TAX1BP1: variants seen among roughly 807,000 people sequenced by gnomAD.
TAX1BP1 encodes the protein Tax1 binding protein 1, also known as tax1-binding protein 1.
TAX1BP1 carries 62 observed loss-of-function variants against 97.7 expected under a neutral mutation model. The ratio of observed to expected loss-of-function variants is 0.63; its 90% confidence interval spans 0.52 to 0.78. The LOEUF (loss-of-function observed/expected upper bound fraction) is 0.78. Among genes scored for constraint, TAX1BP1 ranks in the 30% least tolerant of loss-of-function variants. The probability of loss-of-function intolerance (pLI) is 0.00; values close to 1 mark genes in which losing one functional copy is unlikely to be tolerated. For synonymous variants in TAX1BP1, 340 were observed against 304.2 expected (o/e 1.12, Z -1.23); for missense variants, 867 against 916.1 (o/e 0.95, Z 0.69).
At chr7:27,796,630 C>T (rs1276550248) in intron 12 of TAX1BP1, among the ~76,000 whole-genome samples, 2 of 152,056 alleles carry the variant, frequency 1.3e-5, no homozygotes, top group African/African-American at 4.8e-5. Context: ...GGGAGGTCGA[C>T]GTGGGTGGAT....
chr7:27,794,151 A>C (rs1171981336), intron 10 of TAX1BP1, among the ~76,000 whole-genome samples, 172 bp from the exon 11 acceptor site: 1 of 152,226 alleles, frequency 6.6e-6, no homozygotes, highest in Non-Finnish European at 1.5e-5. Flanking sequence ...GTCAGTTAGC[A>C]AAATGATGTG....
intron 4 of TAX1BP1, among the ~76,000 whole-genome samples, chr7:27,767,792 C>T (rs1365890820): frequency 1.3e-5 from 2 of 152,030 alleles, no homozygotes; most frequent in Non-Finnish European, 2.9e-5. Context: ...TCACTCCTTC[C>T]TACTCCACAA....
In TAX1BP1 at chr7:27,796,116, C is replaced by G. The variant is rs545390820; in HGVS notation, c.1535C>G (p.Ala512Gly). The G allele has an allele frequency of 1.0e-5, 16 of 1,604,304 alleles. No homozygotes were observed. Among genetic ancestry groups the G allele is most frequent in the Non-Finnish European group, 1.3e-5 (15 of 1,176,522 alleles). Reference sequence around the variant, plus strand: ...AGTCTTATATTCTGCCTTTCTACAGCAGAGGCAGATTTTGACATAGTAACA... The same window carrying G: ...AGTCTTATATTCTGCCTTTCTACAGGAGAGGCAGATTTTGACATAGTAACA... ...TVDVKPSPSA[A>G]EADFDIVTKG... The change falls in exon 12 of 17, where the codon GCA (alanine) becomes GGA (glycine). Residue 512 changes from alanine to glycine, a missense_variant and splice_region_variant. This residue lies in a region of TAX1BP1 where 822 missense variants were observed against 851.4 expected (regional missense o/e 0.97). Coordinates refer to ENST00000396319, the MANE Select transcript of TAX1BP1 (RefSeq NM_006024.7).
At chr7:27,818,399 C>G (rs1790858707) in intron 15 of TAX1BP1, among the ~76,000 whole-genome samples, 1 of 152,126 alleles carries the variant, frequency 6.6e-6, no homozygotes, top group Admixed American at 6.6e-5. Context: ...CTTGTTGTTA[C>G]AACAACAAAA....
chr7:27,761,134 G>A (rs751761830), intron 3 of TAX1BP1, among the ~76,000 whole-genome samples: 16 of 152,074 alleles, frequency 1.1e-4, no homozygotes, highest in Non-Finnish European at 1.9e-4. Flanking sequence ...AAAATAACTA[G>A]GCTCAGATTA....
At chr7:27,808,081 T>C (rs145101353) in intron 13 of TAX1BP1, among the ~76,000 whole-genome samples, 159 of 152,282 alleles carry the variant, frequency 1.0e-3, no homozygotes, top group African/African-American at 3.7e-3. Flanking sequence ...GAATCAGTCT[T>C]TTCTCCAAGG....
In TAX1BP1 at chr7:27,773,365, A is replaced by G. The variant is rs182419221; in HGVS notation, c.612+3531A>G. On this transcript the variant is annotated intron_variant, in intron 5 of 16. Coordinates refer to ENST00000396319, the MANE Select transcript of TAX1BP1 (RefSeq NM_006024.7). ...TGGATTTTAATGTATTTACAAAATC[A>G]TGCAACCATTACCATAGTCTAATTT... Among the ~76,000 whole-genome samples the G allele has an allele frequency of 5.3e-5, 8 of 152,236 alleles. No homozygotes were observed. In the East Asian group the frequency reaches 9.6e-4, roughly 18 times the overall value.
At chr7:27,822,100 A>C (rs546727359) in intron 15 of TAX1BP1, among the ~76,000 whole-genome samples, 1 of 152,328 alleles carries the variant, frequency 6.6e-6, no homozygotes, top group South Asian at 2.1e-4. Context: ...GGAAATGCTT[A>C]CTGGAGCATT....
intron 13 of TAX1BP1, among the ~76,000 whole-genome samples, chr7:27,815,731 T>G (rs1790742324): frequency 6.6e-6 from 1 of 152,112 alleles, no homozygotes; most frequent in South Asian, 2.1e-4. Flanking sequence ...ATTCACGTTT[T>G]TCTTTTTTTA....
At chr7:27,790,759 A>G (rs1455077362) in intron 8 of TAX1BP1, among the ~76,000 whole-genome samples, 1 of 152,084 alleles carries the variant, frequency 6.6e-6, no homozygotes, top group African/African-American at 2.4e-5. Flanking sequence ...AATGTTGTAA[A>G]TATCTGATGA....
At chr7:27,766,101 A>T in intron 4 of TAX1BP1, 80 bp downstream of exon 4, 1 of 1,438,370 alleles carries the variant, frequency 7.0e-7, no homozygotes. Flanking sequence ...TAAGAATTTT[A>T]AGGTTATGTG....
intron 4 of TAX1BP1, among the ~76,000 whole-genome samples, chr7:27,767,980 A>G (rs1788704012): frequency 6.6e-6 from 1 of 152,016 alleles, no homozygotes; most frequent in Non-Finnish European, 1.5e-5. Flanking sequence ...TCCTGTTGAC[A>G]TTAAAAGTGA....
Position 27,748,682 on chromosome 7 carries a change from T to G in TAX1BP1, c.158T>G (p.Phe53Cys). 1 of 1,533,656 alleles carries G rather than the reference T, an allele frequency of 6.5e-7. No individual in the cohort carries two copies. The change falls in exon 2 of 17, where the codon TTC (phenylalanine) becomes TGC (cysteine). Residue 53 changes from phenylalanine (F) to cysteine (C), a missense_variant. Phe to Cys is a radical substitution (Grantham distance 205). Transcript: ENST00000396319. Reference sequence around the variant, plus strand: ...CATCCAAAAGATTGGGTTGGTATATTCAAGGTAAGAAAGCTTTCTGAATAT... The same window carrying G: ...CATCCAAAAGATTGGGTTGGTATATGCAAGGTAAGAAAGCTTTCTGAATAT... ...HPHPKDWVGI[F>C]KVGWSTARDY...
rs555738814 is a variant in TAX1BP1, at chr7:27,798,911, A to G, written c.1639-1054A>G. ...TGAGTTGTGTTTTTTTTTTTTCTGT[A>G]TATGTCTTTTGTCTGATATATGTAA... is the stretch of plus-strand genomic sequence containing the variant. On this transcript the variant is annotated intron_variant, in intron 12 of 16. Transcript: ENST00000396319. Among the ~76,000 whole-genome samples the G allele has an allele frequency of 7.6e-5, 11 of 144,772 alleles. No individual in the cohort carries two copies. In the South Asian group the frequency reaches 1.7e-3, roughly 23 times the overall value. 95.0% of individuals were successfully genotyped at this position (144,772 alleles called of 152,430 possible). A position where few individuals can be genotyped will look rare whatever the true frequency, so the allele number is the denominator to read the frequency against.
At chr7:27,809,656 T>C (rs1202574819) in intron 13 of TAX1BP1, among the ~76,000 whole-genome samples, 2 of 152,154 alleles carry the variant, frequency 1.3e-5, no homozygotes, top group Admixed American at 6.5e-5. Context: ...CCAATCCTAT[T>C]CTTACCCTGA....
In TAX1BP1 at chr7:27,769,671, T is replaced by A; in HGVS notation, c.454-5T>A. On this transcript the variant is annotated splice_polypyrimidine_tract_variant and splice_region_variant and intron_variant, in intron 4 of 16. Coordinates refer to ENST00000396319, the MANE Select transcript of TAX1BP1 (RefSeq NM_006024.7). ...ACTAATTAATCTGAGTTTTTTGCTTTATAGTTGAAAATTGAGAAAACCATG... is the reference window on the plus strand; with the variant it reads ...ACTAATTAATCTGAGTTTTTTGCTTAATAGTTGAAAATTGAGAAAACCATG... 6.3e-7 allele frequency: 1 copy of A among 1,596,344 alleles called. No individual in the cohort carries two copies. Among genetic ancestry groups the A allele is most frequent in the Non-Finnish European group, 8.5e-7 (1 of 1,173,712 alleles).
rs1449932199 is a variant in TAX1BP1, at chr7:27,829,588, ATATC to A, written c.*760_*763del. ...TTGTGGCATAAAAATCATAGAATAT[ATATC>A]AGTATCTTTTTTACATTTTCCTGAT... On this transcript the variant is annotated 3_prime_UTR_variant, in exon 17 of 17. Transcript: ENST00000396319. 6.6e-6 allele frequency: 1 copy of A among 152,178 alleles called. No individual in the cohort carries two copies. 9.4% of individuals were successfully genotyped at this position (152,178 alleles called of 1,614,324 possible).
In TAX1BP1 at chr7:27,816,457, A is replaced by G. The variant is rs1359326765; in HGVS notation, c.1873A>G (p.Thr625Ala). ...TCSEQNGYVL[T>A]LSNAQPVLQY... ...CTCAGAGCAAAATGGTTATGTTCTCACATTGTCAAATGCACAACCAGTTCT... is the reference window on the plus strand; with the variant it reads ...CTCAGAGCAAAATGGTTATGTTCTCGCATTGTCAAATGCACAACCAGTTCT... Residue 625 changes from threonine to alanine, a missense_variant, in exon 14 of 17, where the codon ACA (threonine) becomes GCA (alanine). Transcript: ENST00000396319. The G allele has an allele frequency of 6.4e-6, 10 of 1,566,364 alleles. No individual in the cohort carries two copies. The highest frequency in any genetic ancestry group is 8.6e-6 in the Non-Finnish European group (10 of 1,165,804).
chr7:27,809,657 C>T (rs900802597), intron 13 of TAX1BP1, among the ~76,000 whole-genome samples: 1 of 152,156 alleles, frequency 6.6e-6, no homozygotes, highest in African/African-American at 2.4e-5. Context: ...CAATCCTATT[C>T]TTACCCTGAA....
Sources: allele counts gnomAD v4.1 joint callset (sites outside exome capture counted in the v4.1 genomes callset), GRCh38; gene constraint gnomAD v4.1.1; regional missense constraint gnomAD v4.1.1; transcripts MANE v1.5; gene names NCBI Gene and HGNC (gene_info 2026-07-23, HGNC 2026-07-21).